Variants in LCOR observed in about 807,000 individuals in gnomAD.
The protein encoded by LCOR is ligand dependent nuclear receptor corepressor.
LCOR carries 14 observed loss-of-function variants against 64.4 expected under a neutral mutation model. The observed-to-expected ratio is 0.22, with a 90% CI of 0.14 to 0.34. The LOEUF (loss-of-function observed/expected upper bound fraction) is 0.34. Among genes scored for constraint, LCOR ranks in the 10% least tolerant of loss-of-function variants. The pLI is 1.00. For missense variants in LCOR, 1,686 were observed against 1,765.3 expected (o/e 0.96, Z 0.80); for synonymous variants, 643 against 642.5 (o/e 1.00, Z -0.01).
intron 2 of LCOR, among the ~76,000 whole-genome samples, chr10:96,846,388 G>A (rs1380981308): frequency 6.6e-6 from 1 of 152,088 alleles, no homozygotes; most frequent in Non-Finnish European, 1.5e-5. Context: ...CTGAGGCTGG[G>A]ACCACAGGTG....
chr10:96,870,567 T>G (rs1487550523), intron 2 of LCOR, among the ~76,000 whole-genome samples: 2 of 152,188 alleles, frequency 1.3e-5, no homozygotes, highest in Non-Finnish European at 2.9e-5. Flanking sequence ...TTCAAGTCTT[T>G]TTAAAGTTTT....
At chr10:96,953,777 C>T (rs1847720995) in intron 7 of LCOR, among the ~76,000 whole-genome samples, 2 of 152,116 alleles carry the variant, frequency 1.3e-5, no homozygotes, top group Admixed American at 1.3e-4. Flanking sequence ...AATAGGATTG[C>T]CCATCTTTTA....
At chr10:96,855,464 C>A (rs985969126) in intron 2 of LCOR, among the ~76,000 whole-genome samples, 8 of 151,668 alleles carry the variant, frequency 5.3e-5, no homozygotes, top group African/African-American at 1.9e-4. Flanking sequence ...GATGGAGTTT[C>A]GCTCTTGTTG....
chr10:96,928,556 C>CACTG, intron 4 of LCOR, among the ~76,000 whole-genome samples: 1 of 152,314 alleles, frequency 6.6e-6, no homozygotes, highest in Non-Finnish European at 1.5e-5. Context: ...GTCCTTCCTC[C>CACTG]ACTGATGTCT....
At chr10:96,915,191 G>A (rs1257454720) in intron 4 of LCOR, among the ~76,000 whole-genome samples, 1 of 152,102 alleles carries the variant, frequency 6.6e-6, no homozygotes, top group Non-Finnish European at 1.5e-5. Flanking sequence ...CGACAATGAA[G>A]TATTCTGTGT....
At chr10:96,934,826 T>G (rs1589666124) in intron 4 of LCOR, among the ~76,000 whole-genome samples, 1 of 152,164 alleles carries the variant, frequency 6.6e-6, no homozygotes, top group East Asian at 1.9e-4. Context: ...GGTGTCAAAC[T>G]CCTGCCATCA....
chr10:96,844,839 T>G (rs1327648301), intron 2 of LCOR, among the ~76,000 whole-genome samples: 1 of 152,204 alleles, frequency 6.6e-6, no homozygotes, highest in African/African-American at 2.4e-5. Flanking sequence ...AACAAAGGCC[T>G]TTTAACAGTG....
rs556478470 is a variant in LCOR, at chr10:96,883,492, C to T, written c.-329-23773C>T. 3.3e-4 allele frequency among the ~76,000 whole-genome samples: 51 copies of T among 152,258 alleles called. No homozygotes were observed. In the South Asian group the frequency reaches 5.2e-3, roughly 15 times the overall value. On this transcript the variant is annotated intron_variant, in intron 2 of 7. Coordinates refer to ENST00000421806, the MANE Select transcript of LCOR (RefSeq NM_001346516.2). ...TCGCATTTCTGAGAGTTCTGTTGCC[C>T]CATGTTTTCACCAGCATTTGGTGTT...
intron 2 of LCOR, among the ~76,000 whole-genome samples, chr10:96,834,567 TAA>T (rs1261540628): frequency 6.6e-6 from 1 of 152,208 alleles, no homozygotes; most frequent in African/African-American, 2.4e-5. Context: ...AGCATGAAAT[TAA>T]TGCGTTTTCA....
intron 2 of LCOR, among the ~76,000 whole-genome samples, chr10:96,881,672 G>T (rs1216319463): frequency 6.6e-6 from 1 of 152,096 alleles, no homozygotes; most frequent in Admixed American, 6.6e-5. Flanking sequence ...GGCCAGGCTG[G>T]TCTTAAACTC....
At chr10:96,956,935 A>T in intron 7 of LCOR, 1 of 985,278 alleles carries the variant, frequency 1.0e-6, no homozygotes. Flanking sequence ...AATGTGTATA[A>T]GTAATTATGA....
At chr10:96,930,517 C>T (rs1232736535) in intron 4 of LCOR, among the ~76,000 whole-genome samples, 1 of 152,168 alleles carries the variant, frequency 6.6e-6, no homozygotes, top group Non-Finnish European at 1.5e-5. Flanking sequence ...GTTTATCTCA[C>T]CTGTATTAGT....
chr10:96,862,359 G>A (rs760089641), intron 2 of LCOR, among the ~76,000 whole-genome samples: 15 of 151,776 alleles, frequency 9.9e-5, no homozygotes, highest in Non-Finnish European at 1.9e-4. Context: ...CTGCAGCCTC[G>A]ATCTGAAGCA....
rs761907103 is a variant in LCOR at position 96,920,751 on chromosome 10, T to TATATGTATACACACACACAC, written c.-184+13005_-184+13006insTATGTATACACACACACACA. 1.7e-3 allele frequency among the ~76,000 whole-genome samples: 198 copies of TATATGTATACACACACACAC among 118,846 alleles called. 5 individuals are homozygous for TATATGTATACACACACACAC. Among genetic ancestry groups the TATATGTATACACACACACAC allele is most frequent in the African/African-American group, 6.6e-3 (168 of 25,584 alleles). The allele number at this position is 118,846 out of a possible 152,430, so 78.0% of individuals were successfully genotyped here. A position where few individuals can be genotyped will look rare whatever the true frequency, so the allele number is the denominator to read the frequency against. On this transcript the variant is annotated intron_variant, in intron 4 of 7. Transcript: ENST00000421806. ...GTTCATATATATGTGTATATATGTA[T>TATATGTATACACACACACAC]ACACACACACACACACACACACACA...
intron 2 of LCOR, among the ~76,000 whole-genome samples, chr10:96,855,117 A>G (rs938658792): frequency 1.3e-5 from 2 of 152,132 alleles, no homozygotes; most frequent in Non-Finnish European, 2.9e-5. Context: ...TGGTTCAGGG[A>G]TCCTTCTGAG....
chr10:96,861,708 G>C (rs2134392982), intron 2 of LCOR, among the ~76,000 whole-genome samples: 1 of 152,248 alleles, frequency 6.6e-6, no homozygotes, highest in South Asian at 2.1e-4. Flanking sequence ...ATCACACCCG[G>C]CTAATTTTTG....
At chr10:96,942,691 A>G (rs1367019426) in intron 4 of LCOR, among the ~76,000 whole-genome samples, 1 of 152,182 alleles carries the variant, frequency 6.6e-6, no homozygotes, top group Non-Finnish European at 1.5e-5. Context: ...ATGGGAAATC[A>G]TAGAAAGCTG....
intron 2 of LCOR, among the ~76,000 whole-genome samples, chr10:96,845,078 A>G (rs372126363): frequency 7.2e-5 from 11 of 152,294 alleles, no homozygotes; most frequent in African/African-American, 2.4e-4. Context: ...GTAGTGTGTA[A>G]TTACTGAGAA....
intron 2 of LCOR, among the ~76,000 whole-genome samples, chr10:96,902,932 T>C (rs952936407): frequency 2.0e-5 from 3 of 152,262 alleles, no homozygotes; most frequent in Middle Eastern, 3.4e-3. Context: ...CTAGATAATA[T>C]AGCCTACTAC....
Sources: allele counts gnomAD v4.1 joint callset (sites outside exome capture counted in the v4.1 genomes callset), GRCh38; gene constraint gnomAD v4.1.1; transcripts MANE v1.5; gene names NCBI Gene and HGNC (gene_info 2026-07-23, HGNC 2026-07-21).